Variants in LHFPL3 observed in about 807,000 individuals in gnomAD.
LHFPL3 encodes the protein LHFPL tetraspan subfamily member 3.
In LHFPL3, 5 loss-of-function variants were observed where a neutral mutation model predicts 19.3. The ratio of observed to expected loss-of-function variants is 0.26; its 90% CI spans 0.14 to 0.54. The LOEUF (loss-of-function observed/expected upper bound fraction) is 0.54. Ranked by LOEUF, LHFPL3 falls within the 20% of genes least tolerant of loss-of-function variation. LHFPL3 has a pLI of 0.94. For synonymous variants in LHFPL3, 133 were observed against 126.2 expected, an observed-to-expected ratio of 1.05 and a Z score of -0.36; for missense variants, 249 against 307.4, an observed-to-expected ratio of 0.81 and a Z score of 1.42.
chr7:104,875,940 C>T (rs1791931037), intron 2 of LHFPL3, among the ~76,000 whole-genome samples: 1 of 152,162 alleles, frequency 6.6e-6, no homozygotes, highest in Non-Finnish European at 1.5e-5. Flanking sequence ...CTGGCACATC[C>T]TCTTTATCCT....
intron 2 of LHFPL3, among the ~76,000 whole-genome samples, chr7:104,772,278 A>C (rs890399385): frequency 5.3e-5 from 8 of 152,226 alleles, no homozygotes; most frequent in African/African-American, 1.2e-4. Flanking sequence ...ACAAATGAGA[A>C]AAATGAGGCA....
In LHFPL3 at chr7:104,717,366, G is replaced by T. The variant is rs539000406; in HGVS notation, c.446-19309G>T. Among the ~76,000 whole-genome samples, 569 of 152,200 alleles carry T rather than the reference G, an allele frequency of 3.7e-3. 4 individuals carry two copies. Among genetic ancestry groups the T allele is most frequent in the Middle Eastern group, 0.014 (4 of 294 alleles). The stretch of plus-strand genomic sequence containing the variant: ...AGGAAATAATAAGCAAAGTGATAAG[G>T]CAACCTATGGCATGGGAGAAAATAT... On this transcript the variant is annotated intron_variant, in intron 1 of 2. Transcript: ENST00000424859.
chr7:104,502,468 A>C (rs1793615691), intron 1 of LHFPL3, among the ~76,000 whole-genome samples: 1 of 152,186 alleles, frequency 6.6e-6, no homozygotes, highest in South Asian at 2.1e-4. Flanking sequence ...GATGTGCAGC[A>C]AAAGAGTATA....
chr7:104,491,327 T>G (rs566989366), intron 1 of LHFPL3, among the ~76,000 whole-genome samples: 1 of 152,028 alleles, frequency 6.6e-6, no homozygotes, highest in African/African-American at 2.4e-5. Flanking sequence ...TGGGTATAGG[T>G]GTGTTCCCCC....
Position 104,328,657 on chromosome 7 carries a change from T to C in LHFPL3, c.-123T>C, listed in dbSNP as rs1801508058. 18 of 827,472 alleles carry C rather than the reference T, an allele frequency of 2.2e-5. No homozygotes were observed. The highest frequency in any genetic ancestry group is 4.5e-5 in the Admixed American group (2 of 44,250). 51.3% of individuals were successfully genotyped at this position (827,472 alleles called of 1,614,324 possible). On this transcript the variant is annotated 5_prime_UTR_variant, in exon 1 of 3. Transcript: ENST00000424859. This position sits in a 1 kb window ranked among gnomAD's most constrained non-coding sequence, Gnocchi z 4.6. ...ATGCAGACTCTGAAACTGGTGCTGC[T>C]GGGCTGAGGCGGAGGCAGGGGAGTT...
chr7:104,697,857 G>A (rs1189506862), intron 1 of LHFPL3, among the ~76,000 whole-genome samples: 1 of 152,208 alleles, frequency 6.6e-6, no homozygotes, highest in Non-Finnish European at 1.5e-5. Context: ...TAGCATCCAA[G>A]GGATCTGGGG....
intron 1 of LHFPL3, among the ~76,000 whole-genome samples, chr7:104,463,707 AACTC>A (rs1792720360): frequency 6.6e-6 from 1 of 152,214 alleles, no homozygotes; most frequent in African/African-American, 2.4e-5. Context: ...ATATTATGAG[AACTC>A]ACTCACTATC....
chr7:104,370,073 A>G lies in LHFPL3; in HGVS notation c.445+40849A>G, dbSNP rs530083191. On this transcript the variant is annotated intron_variant, in intron 1 of 2. Transcript: ENST00000424859. ...CTGAAAAGGCCAGAAAAGAACACAA[A>G]TGTTTCACAGAGGTAGCCAGTGTAG... Among the ~76,000 whole-genome samples the G allele has an allele frequency of 3.9e-5, 6 of 152,332 alleles. No homozygotes were observed. In the South Asian group the frequency reaches 6.2e-4, roughly 16 times the overall value.
chr7:104,521,388 T>C (rs1190746442), intron 1 of LHFPL3, among the ~76,000 whole-genome samples: 1 of 152,180 alleles, frequency 6.6e-6, no homozygotes, highest in East Asian at 1.9e-4. Flanking sequence ...AATTTTTGAA[T>C]AGGTGTGGTG....
At chr7:104,737,977 T>G (rs1359102519) in intron 2 of LHFPL3, among the ~76,000 whole-genome samples, 3 of 92,482 alleles carry the variant, frequency 3.2e-5, no homozygotes, top group Non-Finnish European at 7.8e-5. Context: ...AGACCATCAC[T>G]GTTTATGCGG....
chr7:104,483,184 C>G (rs949142722), intron 1 of LHFPL3, among the ~76,000 whole-genome samples: 1 of 152,186 alleles, frequency 6.6e-6, no homozygotes, highest in Non-Finnish European at 1.5e-5. Flanking sequence ...GATCGATAAA[C>G]AGGAACCAGT....
At chr7:104,544,443 A>T (rs1381952649) in intron 1 of LHFPL3, among the ~76,000 whole-genome samples, 5 of 152,190 alleles carry the variant, frequency 3.3e-5, no homozygotes, top group African/African-American at 1.2e-4. Context: ...AATTTGAAAC[A>T]TTATGGGGTT....
At chr7:104,789,165 C>T (rs549408974) in intron 2 of LHFPL3, among the ~76,000 whole-genome samples, 16 of 152,346 alleles carry the variant, frequency 1.1e-4, no homozygotes, top group Non-Finnish European at 2.2e-4. Flanking sequence ...TCCTCACATG[C>T]TTACCAATAG....
In LHFPL3 at chr7:104,413,184, G is replaced by A. The variant is rs530286300; in HGVS notation, c.445+83960G>A. 2.0e-5 allele frequency among the ~76,000 whole-genome samples: 3 copies of A among 152,310 alleles called. No individual in the cohort carries two copies. In the South Asian group the frequency reaches 6.2e-4, roughly 32 times the overall value. ...CCACGTGCAGGCTCCTTCCCTGTCA[G>A]ACCAAACTAGCAGAGTGAGACCCCA... On this transcript the variant is annotated intron_variant, in intron 1 of 2. Transcript: ENST00000424859.
At chr7:104,783,545 A>G (rs1454161677) in intron 2 of LHFPL3, among the ~76,000 whole-genome samples, 2 of 152,242 alleles carry the variant, frequency 1.3e-5, no homozygotes, top group African/African-American at 4.8e-5. Context: ...CAAGAAATGT[A>G]ATGCACCGAC....
chr7:104,519,194 A>C (rs145101179), intron 1 of LHFPL3, among the ~76,000 whole-genome samples: 28 of 152,250 alleles, frequency 1.8e-4, no homozygotes, highest in African/African-American at 6.7e-4. Context: ...GGAAATAACA[A>C]CATAAGCTGA....
intron 2 of LHFPL3, among the ~76,000 whole-genome samples, chr7:104,888,752 A>G (rs1224906298): frequency 6.6e-6 from 1 of 152,218 alleles, no homozygotes; most frequent in Non-Finnish European, 1.5e-5. Context: ...TGCATGGACA[A>G]TCATGTGTAG....
chr7:104,587,621 T>C (rs1398869926), intron 1 of LHFPL3, among the ~76,000 whole-genome samples: 1 of 152,182 alleles, frequency 6.6e-6, no homozygotes, highest in Admixed American at 6.5e-5. Context: ...TTATAATCCT[T>C]TGGGTATATA....
In LHFPL3 at chr7:104,791,533, T is replaced by TC. The variant is rs138531694; in HGVS notation, c.682+54623dup. On this transcript the variant is annotated intron_variant, in intron 2 of 2. Transcript: ENST00000424859. Reference sequence around the variant, plus strand: ...AGGGGTCTTCCCACCCATCTGTTTTTCTGGATCTTTGGAAGCAATGGATCT... The same window carrying TC: ...AGGGGTCTTCCCACCCATCTGTTTTTCCTGGATCTTTGGAAGCAATGGATCT... 7.6e-3 allele frequency among the ~76,000 whole-genome samples: 1,154 copies of TC among 152,312 alleles called. 14 individuals are homozygous for TC. Among genetic ancestry groups the TC allele is most frequent in the African/African-American group, 0.026 (1,094 of 41,562 alleles).
Sources: gnomAD v4.1 joint callset for allele counts (sites outside exome capture counted in the v4.1 genomes callset) on GRCh38, gnomAD v4.1.1 for gene constraint, Gnocchi (gnomAD v3.1) non-coding constraint, MANE v1.5 for transcripts, NCBI Gene and HGNC (gene_info 2026-07-23, HGNC 2026-07-21) for gene names.